The following CCDC134 variants were observed in gnomAD, a reference collection of about 807,000 sequenced individuals.
CCDC134 encodes the protein coiled-coil domain containing 134, also known as coiled-coil domain-containing protein 134.
Under a neutral mutation model 25.6 loss-of-function variants are expected in CCDC134, and 27 were observed. The ratio of observed to expected loss-of-function variants is 1.05; its 90% CI spans 0.78 to 1.45. The LOEUF (loss-of-function observed/expected upper bound fraction) is 1.45. Ranked by LOEUF, CCDC134 falls within the 40% of genes most tolerant of loss-of-function variation. The pLI is 0.00. For missense variants in CCDC134, 261 were observed against 286.7 expected, an observed-to-expected ratio of 0.91 and a Z score of 0.65; for synonymous variants, 110 against 115.0, an observed-to-expected ratio of 0.96 and a Z score of 0.28.
intron 2 of CCDC134, among the ~76,000 whole-genome samples, chr22:41,809,290 C>A (rs939092745): frequency 1.3e-5 from 2 of 152,132 alleles, no homozygotes; most frequent in African/African-American, 4.8e-5. Flanking sequence ...GATTACTGGC[C>A]CATCTGGACC....
At chr22:41,819,646 G>GA (rs1370575411) in intron 6 of CCDC134, among the ~76,000 whole-genome samples, 1 of 152,022 alleles carries the variant, frequency 6.6e-6, no homozygotes, top group Non-Finnish European at 1.5e-5. Context: ...GGGCTGTGGA[G>GA]AAAAAAGGCA....
chr22:41,803,203 T>C (rs1025476420), intron 1 of CCDC134, among the ~76,000 whole-genome samples: 3 of 151,956 alleles, frequency 2.0e-5, no homozygotes, highest in Admixed American at 2.0e-4. Flanking sequence ...TTTCAGGTTA[T>C]AGGGAGCTAT....
rs111701939 is a variant in CCDC134, at chr22:41,819,961, CT to C, written c.565-5734del. The stretch of plus-strand genomic sequence containing the variant: ...CTGGAGAGCAGGCTGTGACTTACCA[CT>C]TTATATATATATATATATATATATA... On this transcript the variant is annotated intron_variant, in intron 6 of 6. Transcript: ENST00000255784. 4.0e-3 allele frequency among the ~76,000 whole-genome samples: 262 copies of C among 65,754 alleles called. 4 individuals carry two copies. Among genetic ancestry groups the C allele is most frequent in the African/African-American group, 0.017 (242 of 13,896 alleles). The allele number at this position is 65,754 out of a possible 152,430, so 43.1% of individuals were successfully genotyped here. A position where few individuals can be genotyped will look rare whatever the true frequency, so the allele number is the denominator to read the frequency against.
intron 6 of CCDC134, among the ~76,000 whole-genome samples, chr22:41,815,395 C>T (rs1160079827): frequency 4.0e-5 from 6 of 151,502 alleles, no homozygotes; most frequent in African/African-American, 1.2e-4. Context: ...TTAGTAGAGA[C>T]GGGGTTTCAC....
At chr22:41,806,632 C>CA (rs1331338218) in intron 1 of CCDC134, among the ~76,000 whole-genome samples, 9 of 152,076 alleles carry the variant, frequency 5.9e-5, no homozygotes, top group Admixed American at 3.3e-4. Flanking sequence ...GGTGTAAAAA[C>CA]AAAAAAATCT....
Position 41,826,106 on chromosome 22 carries a change from T to C in CCDC134, c.*283T>C, listed in dbSNP as rs1482150950. On this transcript the variant is annotated 3_prime_UTR_variant, in exon 7 of 7. Coordinates refer to ENST00000255784, the MANE Select transcript of CCDC134 (RefSeq NM_024821.5). ...TGGGGGAGGCAGGAGGATGCCTGCC[T>C]GGACCCTGTTGGTGGCTGAAGACCT... 2.1e-5 allele frequency: 6 copies of C among 287,130 alleles called. No individual in the cohort carries two copies. Among genetic ancestry groups the C allele is most frequent in the Non-Finnish European group, 4.1e-5 (6 of 147,562 alleles). The allele number at this position is 287,130 out of a possible 1,614,324, so 17.8% of individuals were successfully genotyped here. A position where few individuals can be genotyped will look rare whatever the true frequency, so the allele number is the denominator to read the frequency against.
intron 1 of CCDC134, among the ~76,000 whole-genome samples, chr22:41,801,357 A>ACTGAGCAT (rs2076542590): frequency 6.6e-6 from 1 of 151,918 alleles, no homozygotes; most frequent in African/African-American, 2.4e-5. Flanking sequence ...ACTGTCTGTA[A>ACTGAGCAT]CTGAGCATCT....
At chr22:41,817,800 A>C (rs1226944106) in intron 6 of CCDC134, among the ~76,000 whole-genome samples, 1 of 152,214 alleles carries the variant, frequency 6.6e-6, no homozygotes, top group Non-Finnish European at 1.5e-5. Context: ...TTGATCTGCC[A>C]GTTTGTAATC....
intron 4 of CCDC134, among the ~76,000 whole-genome samples, chr22:41,812,663 C>T (rs773577586): frequency 6.6e-6 from 1 of 151,966 alleles, no homozygotes; most frequent in Non-Finnish European, 1.5e-5. Flanking sequence ...TAAATATATT[C>T]ATTCATTCAT....
At chr22:41,816,224 C>T (rs1011059909) in intron 6 of CCDC134, among the ~76,000 whole-genome samples, 17 of 152,198 alleles carry the variant, frequency 1.1e-4, no homozygotes, top group Admixed American at 2.0e-4. Flanking sequence ...ATTTGAGTCA[C>T]CAGAACAATG....
At chr22:41,805,782 A>C (rs745840726) in intron 1 of CCDC134, among the ~76,000 whole-genome samples, 1 of 152,194 alleles carries the variant, frequency 6.6e-6, no homozygotes, top group Non-Finnish European at 1.5e-5. Flanking sequence ...GATTTTAAAA[A>C]TTATAATAGC....
At position 41,831,342 on chromosome 22, in the gene CCDC134, A is replaced by C. The variant is rs1457067273; in HGVS notation, c.*5519A>C. The C allele has an allele frequency of 2.6e-5, 4 of 151,482 alleles. No individual in the cohort carries two copies. The highest frequency in any genetic ancestry group is 5.9e-5 in the Non-Finnish European group (4 of 67,990). The allele number at this position is 151,482 out of a possible 1,614,324, so 9.4% of individuals were successfully genotyped here. On this transcript the variant is annotated 3_prime_UTR_variant, in exon 7 of 7. Transcript: ENST00000255784. ...GCTGGGATTACAGGCATGCGCCACC[A>C]CACCCGGCTAATTTTTGTATTTTTA... is the stretch of plus-strand genomic sequence containing the variant.
chr22:41,818,451 G>T (rs1236964172), intron 6 of CCDC134, among the ~76,000 whole-genome samples: 6 of 152,238 alleles, frequency 3.9e-5, no homozygotes, highest in Non-Finnish European at 8.8e-5. Context: ...CTCCTGAAAT[G>T]CAAGTTCCCA....
At position 41,829,829 on chromosome 22, in the gene CCDC134, A is replaced by C. The variant is rs1005643805; in HGVS notation, c.*4006A>C. Among the ~76,000 whole-genome samples the C allele has an allele frequency of 3.3e-5, 5 of 150,712 alleles. No homozygotes were observed. Among genetic ancestry groups the C allele is most frequent in the Non-Finnish European group, 7.4e-5 (5 of 67,804 alleles). On this transcript the variant is annotated 3_prime_UTR_variant, in exon 7 of 7. Transcript: ENST00000255784. ...TCACTTTGTTGCCTGCCTGGAGTGCAGTGGTGCGATCTCGGCTCACTGCAA... is the reference window on the plus strand; with the variant it reads ...TCACTTTGTTGCCTGCCTGGAGTGCCGTGGTGCGATCTCGGCTCACTGCAA...
intron 1 of CCDC134, among the ~76,000 whole-genome samples, chr22:41,806,987 G>A (rs1208481566): frequency 6.6e-6 from 1 of 152,170 alleles, no homozygotes; most frequent in African/African-American, 2.4e-5. Flanking sequence ...AGCGGAGGTT[G>A]CAGTGAGCCG....
intron 6 of CCDC134, among the ~76,000 whole-genome samples, chr22:41,819,999 A>ATATATATATATATAT (rs1491457516): frequency 1.3e-3 from 137 of 108,886 alleles, no homozygotes; most frequent in African/African-American, 2.8e-3. Context: ...ATATATATAT[A>ATATATATATATATAT]ATTTTTTTTT....
chr22:41,811,629 A>G (rs1480370217), intron 4 of CCDC134, among the ~76,000 whole-genome samples: 4 of 152,172 alleles, frequency 2.6e-5, no homozygotes, highest in Admixed American at 2.6e-4. Context: ...GGGTTTTGCC[A>G]TGTTGGCCGG....
At chr22:41,802,936 T>C (rs950778162) in intron 1 of CCDC134, among the ~76,000 whole-genome samples, 5 of 138,870 alleles carry the variant, frequency 3.6e-5, no homozygotes, top group South Asian at 2.3e-4. Flanking sequence ...AATAAAAAAA[T>C]AAAAAATAAA....
chr22:41,814,451 T>C (rs1483791049), intron 6 of CCDC134, among the ~76,000 whole-genome samples: 1 of 151,886 alleles, frequency 6.6e-6, no homozygotes, highest in African/African-American at 2.4e-5. Context: ...CCTGTAATCC[T>C]AGCTATTCAG....
Sources: allele counts gnomAD v4.1 joint callset (sites outside exome capture counted in the v4.1 genomes callset), GRCh38; gene constraint gnomAD v4.1.1; transcripts MANE v1.5; gene names NCBI Gene and HGNC (gene_info 2026-07-23, HGNC 2026-07-21).